KPTN: variants seen among roughly 807,000 people sequenced by gnomAD.
The protein encoded by KPTN is KICSTOR complex protein kaptin.
KPTN carries 36 observed loss-of-function variants against 52.6 expected under a neutral mutation model. The observed-to-expected ratio is 0.68, with a 90% CI of 0.52 to 0.90. The LOEUF is 0.90. KPTN is among the 40% of genes least tolerant of loss of function. The pLI is 0.00. For missense variants in KPTN, 529 were observed against 576.2 expected, an observed-to-expected ratio of 0.92 and a Z score of 0.84; for synonymous variants, 271 against 248.4, an observed-to-expected ratio of 1.09 and a Z score of -0.85.
At chr19:47,484,338 C>G, upstream of KPTN, 1 of 751,644 alleles carries the variant, frequency 1.3e-6, no homozygotes. Flanking sequence ...TCGGGCCTCC[C>G]AGGCGACTTT....
Position 47,476,947 on chromosome 19 carries a change from C to A in KPTN, c.864-9G>T. 1 of 1,553,682 alleles carries A rather than the reference C, an allele frequency of 6.4e-7. No individual in the cohort carries two copies. The highest frequency in any genetic ancestry group is 8.7e-7 in the Non-Finnish European group (1 of 1,148,218). ...CCCGGTTCAGCAGGTCCCTGAGGGTCCCAAATACAGCATATAGACTGGGGT... is the reference window on the plus strand; with the variant it reads ...CCCGGTTCAGCAGGTCCCTGAGGGTACCAAATACAGCATATAGACTGGGGT... On this transcript the variant is annotated splice_polypyrimidine_tract_variant and intron_variant, in intron 9 of 11. Coordinates refer to ENST00000338134, the MANE Select transcript of KPTN (RefSeq NM_007059.4).
upstream of KPTN, chr19:47,484,451 G>T (rs2122707030): frequency 3.9e-6 from 2 of 513,794 alleles, no homozygotes; most frequent in Non-Finnish European, 3.5e-6. Flanking sequence ...ACGGCCTCTC[G>T]CTGTATGCTG....
chr19:47,480,502 C>T, intron 6 of KPTN, 95 bp from the exon 7 acceptor site: 4 of 906,732 alleles, frequency 4.4e-6, no homozygotes, highest in South Asian at 3.3e-5. Context: ...CCCTGTAGCC[C>T]TGGGACCCTG....
chr19:47,483,909 C>G, intron 1 of KPTN, 26 bp downstream of exon 1: 1 of 1,610,518 alleles, frequency 6.2e-7, no homozygotes, highest in South Asian at 1.1e-5. Context: ...CAGGCCCCCG[C>G]CCCCCAGCAC....
chr19:47,485,205 T>G (rs1599882213), upstream of KPTN, among the ~76,000 whole-genome samples: 1 of 152,174 alleles, frequency 6.6e-6, no homozygotes, highest in East Asian at 1.9e-4. Context: ...TTATTCAGGA[T>G]TCATTGAGCT....
chr19:47,482,227 G>A (rs536457950), intron 4 of KPTN, among the ~76,000 whole-genome samples: 2 of 152,156 alleles, frequency 1.3e-5, no homozygotes, highest in Non-Finnish European at 2.9e-5. Context: ...GGTGGCTCAC[G>A]CCTGTAATCC....
chr19:47,477,730 A>G lies in KPTN; in HGVS notation c.839T>C (p.Met280Thr). ...QDEYSVLVAS[M>T]LEPAVVYRDL... is the part of the protein sequence containing the mutation. ...CCGATACACCACTGCTGGCTCCAACATGCTGGCCACGAGCACGCTGTACTC... is the reference window on the plus strand; with the variant it reads ...CCGATACACCACTGCTGGCTCCAACGTGCTGGCCACGAGCACGCTGTACTC... The change falls in exon 9 of 12, where the codon ATG becomes ACG. Residue 280 changes from methionine to threonine, a missense_variant. By Grantham distance (81) the Met-to-Thr change is moderately conservative (BLOSUM62 -1). Transcript: ENST00000338134. The G allele has an allele frequency of 6.2e-7, 1 of 1,613,840 alleles. No homozygotes were observed. Among genetic ancestry groups the G allele is most frequent in the Non-Finnish European group, 8.5e-7 (1 of 1,179,742 alleles).
At chr19:47,479,839 C>A (rs1393935409) in intron 8 of KPTN, 24 bp downstream of exon 8, 1 of 1,599,738 alleles carries the variant, frequency 6.3e-7, no homozygotes, top group Admixed American at 1.7e-5. Flanking sequence ...GCTCTCTCCC[C>A]ATCCCCTCAA....
rs1255301054 is a variant in KPTN at position 47,480,355 on chromosome 19, C to G, written c.652G>C (p.Ala218Pro). 1 of 1,549,764 alleles carries G rather than the reference C, an allele frequency of 6.5e-7. No homozygotes were observed. Among genetic ancestry groups the G allele is most frequent in the Admixed American group, 2.0e-5 (1 of 50,792 alleles). The change falls in exon 7 of 12, where the codon GCT becomes CCT. Residue 218 changes from alanine to proline, a missense_variant. Coordinates refer to ENST00000338134, the MANE Select transcript of KPTN (RefSeq NM_007059.4). ...ACATAACCACTCTGACAGCCCAGAGCTGAGAGGCGCCGGGACGTGCCGGGG... is the reference window on the plus strand; with the variant it reads ...ACATAACCACTCTGACAGCCCAGAGGTGAGAGGCGCCGGGACGTGCCGGGG... Reference protein sequence around the residue: ...NFPGTSRRLSALGCQSGYVRV... With the variant: ...NFPGTSRRLSPLGCQSGYVRV...
At chr19:47,477,259 C>T (rs560836530) in intron 9 of KPTN, among the ~76,000 whole-genome samples, 1 of 152,336 alleles carries the variant, frequency 6.6e-6, no homozygotes, top group Admixed American at 6.5e-5. Context: ...GAGGGCTTGG[C>T]CCTGGCCTGG....
At position 47,475,454 on chromosome 19, in the gene KPTN, C is replaced by T. The variant is rs750349304; in HGVS notation, c.1273G>A (p.Gly425Arg). 13 of 1,613,188 alleles carry T rather than the reference C, an allele frequency of 8.1e-6. No individual in the cohort carries two copies. The African/African-American group carries it at 1.3e-4, about 17-fold the overall frequency. ...TTCTCAGCAGGCCCTGCACCTGCCC[C>T]GTCCTCCAACCCCTGTAGCCGACGT... ...RRRRLQGLED[G>R]AGAGPAENAA... The change falls in exon 12 of 12, where the codon GGG becomes AGG. Residue 425 changes from glycine (G) to arginine (R), a missense_variant. Physicochemically the swap from Gly to Arg is moderately radical, Grantham distance 125. Transcript: ENST00000338134.
chr19:47,480,096 C>T (rs1967818327), intron 7 of KPTN, among the ~76,000 whole-genome samples, 156 bp from the exon 8 acceptor site: 1 of 125,848 alleles, frequency 7.9e-6, no homozygotes, highest in Admixed American at 8.0e-5. Context: ...AATCCCCACC[C>T]TCATCCCTTC....
chr19:47,480,989 C>T lies in KPTN; in HGVS notation c.494G>A (p.Gly165Glu). The change falls in exon 5 of 12, where the codon GGG (glycine) becomes GAG (glutamate). Residue 165 changes from glycine (G) to glutamate (E), a missense_variant. Physicochemically the swap from Gly to Glu is moderately conservative, Grantham distance 98. Transcript: ENST00000338134. ...GTAGAGATGAATGGCCGGGTCGTTCCCACTCAAGAGAAACACAGTCTCAAG... is the reference window on the plus strand; with the variant it reads ...GTAGAGATGAATGGCCGGGTCGTTCTCACTCAAGAGAAACACAGTCTCAAG... The part of the protein sequence containing the change: ...DQLETVFLLS[G>E]NDPAIHLYKE... 6.3e-7 allele frequency: 1 copy of T among 1,598,508 alleles called. No homozygotes were observed.
chr19:47,484,290 G>C (rs555870956), upstream of KPTN: 1 of 1,227,628 alleles, frequency 8.1e-7, no homozygotes, highest in African/African-American at 1.5e-5. Context: ...GAAGCTGCCG[G>C]CGTTGCCCTC....
At chr19:47,481,079 G>A (rs776555025) in intron 4 of KPTN, 46 bp from the exon 5 acceptor site, 1 of 1,470,492 alleles carries the variant, frequency 6.8e-7, no homozygotes, top group South Asian at 1.2e-5. Flanking sequence ...AATCCACATG[G>A]TCTGAGAACC....
intron 8 of KPTN, 96 bp from the exon 9 acceptor site, chr19:47,477,877 T>A (rs1201455289): frequency 1.3e-6 from 1 of 768,304 alleles, no homozygotes. Flanking sequence ...CTGGTCAACA[T>A]GATAAAACCC....
At chr19:47,480,542 C>T (rs930330658) in intron 6 of KPTN, 135 bp from the exon 7 acceptor site, 7 of 741,512 alleles carry the variant, frequency 9.4e-6, no homozygotes, top group South Asian at 1.8e-5. Context: ...TAATCCCCAC[C>T]GCCCAATTCC....
intron 9 of KPTN, 126 bp from the exon 10 acceptor site, chr19:47,477,064 G>T: frequency 1.0e-6 from 1 of 957,982 alleles, no homozygotes; most frequent in Non-Finnish European, 1.5e-6. Flanking sequence ...TCCTCCGGAA[G>T]CCTAGACATC....
chr19:47,482,497 AAAG>A (rs1967916847), intron 4 of KPTN, among the ~76,000 whole-genome samples: 1 of 141,752 alleles, frequency 7.1e-6, no homozygotes, highest in Non-Finnish European at 1.6e-5. Flanking sequence ...AAAAAAAAAG[AAAG>A]AAAAAAAAAG....
Sources: allele counts gnomAD v4.1 joint callset (sites outside exome capture counted in the v4.1 genomes callset), GRCh38; gene constraint gnomAD v4.1.1; transcripts MANE v1.5; gene names NCBI Gene and HGNC (gene_info 2026-07-23, HGNC 2026-07-21).